Variants in TMEM80 observed in about 807,000 individuals in gnomAD.
TMEM80 encodes the protein transmembrane protein 80.
TMEM80 carries 16 observed loss-of-function variants against 13.6 expected under a neutral mutation model. That is an observed-to-expected ratio of 1.17 (90% CI 0.79 to 1.78). TMEM80 has a LOEUF of 1.78. Ranked by LOEUF, TMEM80 falls within the 40% of genes most tolerant of loss-of-function variation. The probability of loss-of-function intolerance (pLI) is 0.00; values close to 1 mark genes in which losing one functional copy is unlikely to be tolerated. For missense variants in TMEM80, 167 were observed against 184.6 expected (o/e 0.90, Z 0.55); for synonymous variants, 92 against 89.5 (o/e 1.03, Z -0.16).
At chr11:698,809 A>G in intron 1 of TMEM80, 60 bp from the exon 2 acceptor site, 2 of 1,606,356 alleles carry the variant, frequency 1.2e-6, no homozygotes, top group Non-Finnish European at 1.7e-6. Flanking sequence ...GTGTGGAGCG[A>G]GACCCGGGAA....
At chr11:702,663 AC>A (rs1186662576) in intron 4 of TMEM80, among the ~76,000 whole-genome samples, 2 of 152,130 alleles carry the variant, frequency 1.3e-5, no homozygotes, top group African/African-American at 2.4e-5. Flanking sequence ...AACCAAATTC[AC>A]CCCCGCCCAC....
chr11:700,539 A>T, intron 3 of TMEM80, 76 bp from the exon 4 acceptor site: 1 of 1,226,412 alleles, frequency 8.2e-7, no homozygotes, highest in South Asian at 1.3e-5. Context: ...AAAAAAAAAA[A>T]AGGAAAAGGC....
intron 1 of TMEM80, among the ~76,000 whole-genome samples, chr11:698,165 G>A (rs1228274460): frequency 6.6e-6 from 1 of 152,208 alleles, no homozygotes; most frequent in Non-Finnish European, 1.5e-5. Flanking sequence ...CAACTGGCCT[G>A]AGCCCTTTTC....
In TMEM80 at chr11:703,306, G is replaced by C; in HGVS notation, c.*156G>C. 2 of 1,424,354 alleles carry C rather than the reference G, an allele frequency of 1.4e-6. No homozygotes were observed. Among genetic ancestry groups the C allele is most frequent in the Non-Finnish European group, 1.8e-6 (2 of 1,086,610 alleles). The allele number at this position is 1,424,354 out of a possible 1,614,324, so 88.2% of individuals were successfully genotyped here. On this transcript the variant is annotated 3_prime_UTR_variant, in exon 5 of 5. Coordinates refer to ENST00000397510, the MANE Select transcript of TMEM80 (RefSeq NM_001042463.3). ...GTTCCATCTGTTCTGGCAGGAGTGG[G>C]AGCAGGAGCCAGGGCAGAACAAACT... is the stretch of plus-strand genomic sequence containing the variant.
chr11:701,004 C>T (rs1861432072), intron 4 of TMEM80: 1 of 469,352 alleles, frequency 2.1e-6, no homozygotes, highest in African/African-American at 2.0e-5. Flanking sequence ...CCCACCACCA[C>T]ATCTGGAGCT....
At chr11:698,731 C>T (rs945668374) in intron 1 of TMEM80, 138 bp from the exon 2 acceptor site, 63 of 988,348 alleles carry the variant, frequency 6.4e-5, no homozygotes, top group South Asian at 1.1e-4. Context: ...GGCAGGCCCA[C>T]GGTATATGTT....
chr11:703,597 T>C lies in TMEM80; in HGVS notation c.*447T>C. 4.9e-6 allele frequency: 6 copies of C among 1,233,068 alleles called. No individual in the cohort carries two copies. Among genetic ancestry groups the C allele is most frequent in the Non-Finnish European group, 6.1e-6 (6 of 988,788 alleles). 76.4% of individuals were successfully genotyped at this position (1,233,068 alleles called of 1,614,324 possible). The stretch of plus-strand genomic sequence containing the variant: ...TGTTCTGAGATCCCAGTTTACTCCG[T>C]GGCCAGGCCCCACCTGTGTTTCCAA... On this transcript the variant is annotated 3_prime_UTR_variant, in exon 5 of 5. Transcript: ENST00000397510.
intron 1 of TMEM80, among the ~76,000 whole-genome samples, chr11:696,837 T>C (rs908066926): frequency 3.5e-5 from 2 of 56,406 alleles, no homozygotes; most frequent in African/African-American, 1.2e-4. Context: ...CCCAGCACTT[T>C]GGGAGGCCAA....
intron 2 of TMEM80, chr11:699,153 T>C (rs995790897): frequency 8.3e-5 from 41 of 493,276 alleles, no homozygotes; most frequent in Non-Finnish European, 1.3e-4. Context: ...CACCTGCCTC[T>C]GTCTCGGCCG....
Position 703,689 on chromosome 11 carries a change from C to T in TMEM80, c.*539C>T. ...AGCAACCCCAGCTCTGCCTCACAGGCAGGCAGGCCCGGTGCAAGAGTGGAC... is the reference window on the plus strand; with the variant it reads ...AGCAACCCCAGCTCTGCCTCACAGGTAGGCAGGCCCGGTGCAAGAGTGGAC... On this transcript the variant is annotated 3_prime_UTR_variant, in exon 5 of 5. Transcript: ENST00000397510. The T allele has an allele frequency of 5.7e-6, 7 of 1,232,314 alleles. No homozygotes were observed. The highest frequency in any genetic ancestry group is 3.2e-5 in the East Asian group (1 of 31,716). 76.3% of individuals were successfully genotyped at this position (1,232,314 alleles called of 1,614,324 possible).
chr11:700,173 AT>A lies in TMEM80; in HGVS notation c.72del (p.Leu25SerfsTer15), dbSNP rs1564961659. The part of the protein sequence containing the change: ...LSSVPLQMLF[Y>X]LSGTYYALYF... ...TCAGTTCCCCTTCAAATGCTGTTTT[AT>A]CTCAGCGGAACGTACTACGCCCTGT... On this transcript the variant is annotated frameshift_variant, in exon 3 of 5. Transcript: ENST00000397510. LOFTEE classifies it high-confidence loss of function. 1 of 1,614,162 alleles carries A rather than the reference AT, an allele frequency of 6.2e-7. No homozygotes were observed. The highest frequency in any genetic ancestry group is 1.1e-5 in the South Asian group (1 of 91,078).
Position 695,821 on chromosome 11 carries a change from G to C in TMEM80, c.-7G>C, listed in dbSNP as rs902823912. On this transcript the variant is annotated 5_prime_UTR_variant, in exon 1 of 5. Coordinates refer to ENST00000397510, the MANE Select transcript of TMEM80 (RefSeq NM_001042463.3). ...ATCGCGACGGACCGGCGGGCGGGGC[G>C]GGTAAGATGGCGGCCCCGCGGCGAG... 423 of 1,231,394 alleles carry C rather than the reference G, an allele frequency of 3.4e-4. No homozygotes were observed. The highest frequency in any genetic ancestry group is 4.0e-4 in the Non-Finnish European group (396 of 986,828). 76.3% of individuals were successfully genotyped at this position (1,231,394 alleles called of 1,614,324 possible).
intron 2 of TMEM80, chr11:699,256 C>T (rs988845001): frequency 6.7e-6 from 2 of 296,518 alleles, no homozygotes; most frequent in Non-Finnish European, 1.3e-5. Context: ...ACAGAGCCTT[C>T]CTCTCACCCA....
chr11:698,643 C>G (rs546375917), intron 1 of TMEM80, among the ~76,000 whole-genome samples: 2 of 152,276 alleles, frequency 1.3e-5, no homozygotes, highest in South Asian at 4.1e-4. Flanking sequence ...TACTCGCTGT[C>G]TCCAGCCTCA....
chr11:704,932 G>T (rs1861651070), downstream of TMEM80: 1 of 347,374 alleles, frequency 2.9e-6, no homozygotes. Context: ...CGAGGGGTTG[G>T]CGTGTGTGAC....
chr11:702,818 C>A (rs947213431), intron 4 of TMEM80, 127 bp from the exon 5 acceptor site: 2 of 912,996 alleles, frequency 2.2e-6, no homozygotes, highest in Non-Finnish European at 3.2e-6. Context: ...CCCTGGAATT[C>A]CCCAGGCCCC....
intron 1 of TMEM80, 87 bp downstream of exon 1, chr11:695,933 T>G: frequency 9.6e-7 from 1 of 1,041,384 alleles, no homozygotes; most frequent in Non-Finnish European, 1.2e-6. Context: ...CCGCTTTCGG[T>G]GCGCTCACGG....
chr11:701,299 C>T (rs915550605), intron 4 of TMEM80, among the ~76,000 whole-genome samples: 2 of 152,068 alleles, frequency 1.3e-5, no homozygotes, highest in Non-Finnish European at 2.9e-5. Context: ...CCTGCCTCAG[C>T]CCTCCCCTCC....
downstream of TMEM80, chr11:704,355 A>G: frequency 1.0e-6 from 1 of 969,642 alleles, no homozygotes; most frequent in Non-Finnish European, 1.4e-6. Context: ...TGGCACCTGG[A>G]CAGTCTTTCC....
Sources: gnomAD v4.1 joint callset for allele counts (sites outside exome capture counted in the v4.1 genomes callset) on GRCh38, gnomAD v4.1.1 for gene constraint, MANE v1.5 for transcripts, NCBI Gene and HGNC (gene_info 2026-07-23, HGNC 2026-07-21) for gene names.